NDUFAF6: variants seen among roughly 807,000 people sequenced by gnomAD.
The protein encoded by NDUFAF6 is NADH:ubiquinone oxidoreductase complex assembly factor 6.
A neutral mutation model predicts 40.8 loss-of-function variants in NDUFAF6; 45 were observed. That is an observed-to-expected ratio of 1.10 (90% CI 0.87 to 1.42). The LOEUF (loss-of-function observed/expected upper bound fraction) is 1.42, where lower values mean the gene tolerates loss of function less well. NDUFAF6 is among the 40% of genes most tolerant of loss of function. NDUFAF6 has a pLI of 0.00. For synonymous variants in NDUFAF6, 185 were observed against 155.9 expected (o/e 1.19, Z -1.39); for missense variants, 435 against 418.5 (o/e 1.04, Z -0.34).
intron 2 of NDUFAF6, among the ~76,000 whole-genome samples, chr8:94,995,742 T>A (rs1435267093): frequency 6.6e-6 from 1 of 152,224 alleles, no homozygotes; most frequent in Non-Finnish European, 1.5e-5. Context: ...GATTTGGATC[T>A]CTGGCCCTGA....
At chr8:94,987,524 G>C in intron 2 of NDUFAF6, among the ~76,000 whole-genome samples, 1 of 152,154 alleles carries the variant, frequency 6.6e-6, no homozygotes, top group African/African-American at 2.4e-5. Flanking sequence ...CATTACATTA[G>C]AATAGGAGCT....
chr8:94,979,732 A>G (rs187393987), intron 1 of NDUFAF6, among the ~76,000 whole-genome samples: 2 of 152,360 alleles, frequency 1.3e-5, no homozygotes, highest in East Asian at 3.9e-4. Flanking sequence ...AAAGGCAGAC[A>G]TATGTGCAGG....
chr8:95,010,804 T>C (rs1827195828), intron 2 of NDUFAF6, among the ~76,000 whole-genome samples: 1 of 152,178 alleles, frequency 6.6e-6, no homozygotes, highest in South Asian at 2.1e-4. Context: ...TTGGGCTCTC[T>C]GGGAAGCAGA....
chr8:95,001,338 T>C (rs1254516802), intron 2 of NDUFAF6, among the ~76,000 whole-genome samples: 1 of 152,124 alleles, frequency 6.6e-6, no homozygotes, highest in Non-Finnish European at 1.5e-5. Context: ...TCTGACCCCC[T>C]GGGAAATCTT....
intron 7 of NDUFAF6, 66 bp downstream of exon 7, chr8:95,048,624 A>G: frequency 2.6e-6 from 3 of 1,133,060 alleles, no homozygotes; most frequent in South Asian, 2.5e-5. Context: ...CTCTTCTTAG[A>G]ACATGGTTAT....
At chr8:95,055,470 A>C (rs529229530) in intron 8 of NDUFAF6, 1 of 152,212 alleles carries the variant, frequency 6.6e-6, no homozygotes, top group Non-Finnish European at 1.5e-5. Context: ...AAAAGTATAA[A>C]TATAACACTT....
At chr8:95,059,370 C>T (rs141237893), downstream of NDUFAF6, among the ~76,000 whole-genome samples, 264 of 152,238 alleles carry the variant, frequency 1.7e-3, 4 homozygotes, top group Non-Finnish European at 1.6e-3. Flanking sequence ...GACATCACCC[C>T]CACCACACAC....
chr8:95,094,381 TCTTTCTTTTCTTTTCTTTC>T (rs1563865575), intron 2 of NDUFAF6, among the ~76,000 whole-genome samples: 14,312 of 51,380 alleles, frequency 0.28, 2,139 homozygotes, highest in African/African-American at 0.47. Flanking sequence ...TTTCTTTCCT[TCTTTCTTTTCTTTTCTTTC>T]TTTTTTTTTT....
intron 2 of NDUFAF6, among the ~76,000 whole-genome samples, chr8:94,949,664 C>G (rs896076603): frequency 6.6e-6 from 1 of 152,100 alleles, no homozygotes; most frequent in Non-Finnish European, 1.5e-5. Flanking sequence ...TTCCAGGAGC[C>G]GGCGGGAGCG....
rs779161979 is a variant in NDUFAF6, at chr8:95,048,495, A to G, written c.753A>G (p.Gln251=). 9.3e-6 allele frequency: 15 copies of G among 1,614,170 alleles called. No homozygotes were observed. The highest frequency in any genetic ancestry group is 1.2e-5 in the Non-Finnish European group (14 of 1,180,020). ...AAGAGGACTTTCTACGGAGGAACCA[A>G]GATAAAAATGTGAGAGATGTAATAT... ...VSQEDFLRRN[Q]DKNVRDVIYD... Residue 251 remains glutamine (Q), a synonymous_variant, in exon 7 of 9, where the codon CAA becomes CAG. Transcript: ENST00000396124.
intron 2 of NDUFAF6, among the ~76,000 whole-genome samples, chr8:95,033,354 T>C (rs187243399): frequency 6.6e-6 from 1 of 152,222 alleles, no homozygotes; most frequent in Non-Finnish European, 1.5e-5. Context: ...AATACAATTT[T>C]ATTTTTAATA....
chr8:94,909,985 C>T (rs1818670244), intron 1 of NDUFAF6, among the ~76,000 whole-genome samples: 1 of 151,882 alleles, frequency 6.6e-6, no homozygotes, highest in South Asian at 2.1e-4. Context: ...AAAACTAGGC[C>T]CCTTTCTGAC....
At chr8:94,979,399 G>C (rs1404674954) in intron 1 of NDUFAF6, among the ~76,000 whole-genome samples, 2 of 151,996 alleles carry the variant, frequency 1.3e-5, no homozygotes, top group Non-Finnish European at 2.9e-5. Flanking sequence ...TTAAAGAGAG[G>C]GTCCTTCCTT....
downstream of NDUFAF6, among the ~76,000 whole-genome samples, chr8:95,059,236 T>G (rs1832505321): frequency 6.6e-6 from 1 of 152,172 alleles, no homozygotes; most frequent in Non-Finnish European, 1.5e-5. Flanking sequence ...GCTCTCTCAT[T>G]TAAGTCTTTG....
At chr8:94,973,517 G>A (rs1245462333) in intron 1 of NDUFAF6, among the ~76,000 whole-genome samples, 1 of 152,108 alleles carries the variant, frequency 6.6e-6, no homozygotes, top group Non-Finnish European at 1.5e-5. Context: ...GACCATCCTA[G>A]CTAACACAGT....
intron 1 of NDUFAF6, among the ~76,000 whole-genome samples, chr8:94,931,700 C>T (rs1274516165): frequency 6.6e-6 from 1 of 152,034 alleles, no homozygotes; most frequent in African/African-American, 2.4e-5. Context: ...TTAGGCCAGG[C>T]GCTGTGGCTC....
downstream of NDUFAF6, among the ~76,000 whole-genome samples, chr8:95,079,801 G>A (rs7011966): frequency 9.3e-3 from 1,401 of 150,834 alleles, 14 homozygotes; most frequent in Non-Finnish European, 0.011. Context: ...TGCAACCTCC[G>A]TCTCCCAGGC....
At chr8:94,935,553 A>G in intron 1 of NDUFAF6, among the ~76,000 whole-genome samples, 1 of 152,248 alleles carries the variant, frequency 6.6e-6, no homozygotes, top group Admixed American at 6.5e-5. Flanking sequence ...TAATCAAGAT[A>G]ATGACTGACA....
chr8:94,991,312 GTTA>G (rs1365178418), intron 2 of NDUFAF6, among the ~76,000 whole-genome samples: 2 of 152,192 alleles, frequency 1.3e-5, no homozygotes, highest in East Asian at 3.8e-4. Context: ...TGCCTCTGAT[GTTA>G]TTTATTTTAG....
Sources: gnomAD v4.1 joint callset for allele counts (sites outside exome capture counted in the v4.1 genomes callset) on GRCh38, gnomAD v4.1.1 for gene constraint, MANE v1.5 for transcripts, NCBI Gene and HGNC (gene_info 2026-07-23, HGNC 2026-07-21) for gene names.